Variants in HTRA3 observed in about 807,000 individuals in gnomAD.
HTRA3 encodes the protein HtrA serine peptidase 3.
In HTRA3, 41 loss-of-function variants were observed where a neutral mutation model predicts 43.2. The observed-to-expected ratio is 0.95, with a 90% CI of 0.74 to 1.23. The LOEUF is 1.23. Ranked by LOEUF, HTRA3 falls within the 50% of genes most tolerant of loss-of-function variation. The pLI, the probability that HTRA3 is intolerant of heterozygous loss-of-function variation, is 0.00. For synonymous variants in HTRA3, 295 were observed against 287.9 expected (o/e 1.02, Z -0.25); for missense variants, 628 against 647.1 (o/e 0.97, Z 0.32).
intron 7 of HTRA3, 38 bp downstream of exon 7, chr4:8,302,549 C>T: frequency 6.3e-7 from 1 of 1,596,936 alleles, no homozygotes; most frequent in Non-Finnish European, 8.6e-7. Context: ...GCTACCCCTT[C>T]CTCTCATCCC....
chr4:8,302,445 G>T lies in HTRA3; in HGVS notation c.1052-18G>T, dbSNP rs200001924. ...TTCACAGCAGCCCTAACGGAGTCTCGCCGTGTTTCATTTCCAGACTGGAAG... is the reference window on the plus strand; with the variant it reads ...TTCACAGCAGCCCTAACGGAGTCTCTCCGTGTTTCATTTCCAGACTGGAAG... On this transcript the variant is annotated intron_variant, in intron 6 of 8. Coordinates refer to ENST00000307358, the MANE Select transcript of HTRA3 (RefSeq NM_053044.5). 6.2e-7 allele frequency: 1 copy of T among 1,613,632 alleles called. No individual in the cohort carries two copies. The highest frequency in any genetic ancestry group is 1.7e-5 in the Admixed American group (1 of 60,022).
At position 8,291,477 on chromosome 4, in the gene HTRA3, C is replaced by T. The variant is rs1246100199; in HGVS notation, c.816C>T (p.Gly272=). ...PFALQNTVTT[G]IVSTAQREGR... is the part of the protein sequence containing the mutation. Reference sequence around the variant, plus strand: ...CCCTACAGAACACAGTGACAACGGGCATCGTCAGCACTGCCCAGCGGGAGG... The same window carrying T: ...CCCTACAGAACACAGTGACAACGGGTATCGTCAGCACTGCCCAGCGGGAGG... Residue 272 remains glycine, a synonymous_variant, in exon 4 of 9, where the codon GGC becomes GGT. Coordinates refer to ENST00000307358, the MANE Select transcript of HTRA3 (RefSeq NM_053044.5). The T allele has an allele frequency of 1.9e-6, 3 of 1,613,060 alleles. No individual in the cohort carries two copies. Among genetic ancestry groups the T allele is most frequent in the African/African-American group, 1.3e-5 (1 of 75,066 alleles).
At chr4:8,287,374 G>T (rs1223759217) in intron 3 of HTRA3, among the ~76,000 whole-genome samples, 1 of 152,194 alleles carries the variant, frequency 6.6e-6, no homozygotes, top group East Asian at 1.9e-4. Context: ...GTATGAGTCT[G>T]TTTTCACACT....
At position 8,293,844 on chromosome 4, in the gene HTRA3, G is replaced by A. The variant is rs575632805; in HGVS notation, c.937-243G>A. 3.6e-3 allele frequency among the ~76,000 whole-genome samples: 541 copies of A among 152,230 alleles called. 3 individuals are homozygous for A. Among genetic ancestry groups the A allele is most frequent in the Non-Finnish European group, 5.8e-3 (396 of 67,998 alleles). On this transcript the variant is annotated intron_variant, in intron 5 of 8. Coordinates refer to ENST00000307358, the MANE Select transcript of HTRA3 (RefSeq NM_053044.5). Reference sequence around the variant, plus strand: ...GTGGCCAGAGCCTGGGGGCAGGCCCGAGCTGCAAGCTTCCCTGGAAATACT... The same window carrying A: ...GTGGCCAGAGCCTGGGGGCAGGCCCAAGCTGCAAGCTTCCCTGGAAATACT...
intron 8 of HTRA3, among the ~76,000 whole-genome samples, chr4:8,304,601 A>C: frequency 7.0e-6 from 1 of 143,366 alleles, no homozygotes; most frequent in Non-Finnish European, 1.5e-5. Flanking sequence ...TCTTTCTGGG[A>C]CTCAGCTTCC....
intron 3 of HTRA3, among the ~76,000 whole-genome samples, chr4:8,288,959 T>C (rs867568810): frequency 1.5e-5 from 2 of 134,222 alleles, no homozygotes; most frequent in Admixed American, 7.4e-5. Flanking sequence ...TCTCTCTCTC[T>C]TTTTTTTTTT....
In HTRA3 at chr4:8,286,531, A is replaced by C; in HGVS notation, c.486-30A>C. On this transcript the variant is annotated intron_variant, in intron 2 of 8. Transcript: ENST00000307358. This position sits in a 1 kb window ranked among gnomAD's most constrained non-coding sequence, Gnocchi z 4.9. ...CTCCCCCGCGTCCTAGCCCCACCCT[A>C]AATGCCCGCCTGTGTCTCCCTGGCT... 1 of 1,602,372 alleles carries C rather than the reference A, an allele frequency of 6.2e-7. No individual in the cohort carries two copies. Among genetic ancestry groups the C allele is most frequent in the Non-Finnish European group, 8.5e-7 (1 of 1,171,784 alleles).
chr4:8,286,575 G>A lies in HTRA3; in HGVS notation c.500G>A (p.Gly167Asp), dbSNP rs748586450. 1 of 1,613,746 alleles carries A rather than the reference G, an allele frequency of 6.2e-7. No individual in the cohort carries two copies. The highest frequency in any genetic ancestry group is 1.7e-5 in the Admixed American group (1 of 60,008). The change falls in exon 3 of 9, where the codon GGC becomes GAC. Residue 167 changes from glycine (G) to aspartate (D), a missense_variant. Physicochemically the swap from Gly to Asp is moderately conservative, Grantham distance 94. Transcript: ENST00000307358. The surrounding 1 kb of genome is among the most constrained non-coding windows in gnomAD (Gnocchi z 4.9). ...IELFLRHPLF[G>D]RNVPLSSGSG... ...CCTGGCTGCAGACACCCGCTGTTTG[G>A]CCGCAACGTGCCCCTGTCCAGCGGT...
At chr4:8,276,694 G>A (rs1214358734) in intron 1 of HTRA3, among the ~76,000 whole-genome samples, 1 of 152,228 alleles carries the variant, frequency 6.6e-6, no homozygotes, top group Non-Finnish European at 1.5e-5. Context: ...GCTGGCTGTG[G>A]CCCAGCTGGG....
intron 8 of HTRA3, among the ~76,000 whole-genome samples, 189 bp downstream of exon 8, chr4:8,304,468 G>T (rs1049565651): frequency 5.3e-5 from 8 of 152,098 alleles, no homozygotes; most frequent in Admixed American, 5.2e-4. Flanking sequence ...CCCTGACTGT[G>T]TACGTCCTAA....
chr4:8,286,624 C>T lies in HTRA3; in HGVS notation c.549C>T (p.Ala183=), dbSNP rs373022386. 70 of 1,614,194 alleles carry T rather than the reference C, an allele frequency of 4.3e-5. No homozygotes were observed. The highest frequency in any genetic ancestry group is 2.0e-4 in the African/African-American group (15 of 75,044). ...GTTCTGGCTTCATCATGTCAGAGGC[C>T]GGCCTGATCATCACCAATGCCCACG... ...SSGSGFIMSE[A]GLIITNAHVV... The change falls in exon 3 of 9, where the codon GCC becomes GCT. Residue 183 remains alanine, a synonymous_variant. Transcript: ENST00000307358. This position sits in a 1 kb window ranked among gnomAD's most constrained non-coding sequence, Gnocchi z 4.9.
rs1409008036 is a variant in HTRA3, at chr4:8,270,382, G to A, written c.385+29G>A. On this transcript the variant is annotated intron_variant, in intron 1 of 8. Coordinates refer to ENST00000307358, the MANE Select transcript of HTRA3 (RefSeq NM_053044.5). The stretch of plus-strand genomic sequence containing the variant: ...AGCGCTCGGGGGCCAGGGAGGAAGT[G>A]AAGCTTCTTTCTCTTGGGGAAACTA... 2.9e-6 allele frequency: 4 copies of A among 1,377,218 alleles called. No homozygotes were observed. In the African/African-American group the frequency reaches 6.1e-5, roughly 21 times the overall value. The allele number at this position is 1,377,218 out of a possible 1,614,324, so 85.3% of individuals were successfully genotyped here.
At position 8,269,906 on chromosome 4, in the gene HTRA3, T is replaced by C. The variant is rs1163859594; in HGVS notation, c.-63T>C. On this transcript the variant is annotated 5_prime_UTR_variant, in exon 1 of 9. Coordinates refer to ENST00000307358, the MANE Select transcript of HTRA3 (RefSeq NM_053044.5). Reference sequence around the variant, plus strand: ...CCCGGCGCCCGGCCCCGCAGCGGCCTCGTTGTCCCCGCCGGCCCCCGCCCG... The same window carrying C: ...CCCGGCGCCCGGCCCCGCAGCGGCCCCGTTGTCCCCGCCGGCCCCCGCCCG... 2.2e-5 allele frequency: 18 copies of C among 835,592 alleles called. No homozygotes were observed. Among genetic ancestry groups the C allele is most frequent in the Admixed American group, 6.0e-5 (1 of 16,690 alleles). The allele number at this position is 835,592 out of a possible 1,614,324, so 51.8% of individuals were successfully genotyped here.
At chr4:8,304,643 GTTTTTTTTTTTTT>G (rs140790982) in intron 8 of HTRA3, among the ~76,000 whole-genome samples, 958 of 62,724 alleles carry the variant, frequency 0.015, 19 homozygotes, top group African/African-American at 0.063. Flanking sequence ...TCAGCCTATT[GTTTTTTTTTTTTT>G]TTTTTTTTTT....
In HTRA3 at chr4:8,295,071, ATTTTTTCCTTTCT is replaced by A. The variant is rs1713408829; in HGVS notation, c.1051+881_1051+893del. ...CTGGCCACCATTTCTTCCTTCCTTT[ATTTTTTCCTTTCT>A]TTTTTTCCTTCTCTCCTTCCTTCCA... On this transcript the variant is annotated intron_variant, in intron 6 of 8. Transcript: ENST00000307358. This position sits in a 1 kb window ranked among gnomAD's most constrained non-coding sequence, Gnocchi z 6.9. Among the ~76,000 whole-genome samples the A allele has an allele frequency of 7.0e-6, 1 of 143,880 alleles. No individual in the cohort carries two copies. Among genetic ancestry groups the A allele is most frequent in the Non-Finnish European group, 1.5e-5 (1 of 65,800 alleles). The allele number at this position is 143,880 out of a possible 152,430, so 94.4% of individuals were successfully genotyped here.
Position 8,306,408 on chromosome 4 carries a change from A to T in HTRA3, c.*272A>T, listed in dbSNP as rs1318778664. The T allele has an allele frequency of 2.7e-6, 1 of 367,162 alleles. No individual in the cohort carries two copies. The highest frequency in any genetic ancestry group is 4.3e-5 in the Admixed American group (1 of 23,470). 22.7% of individuals were successfully genotyped at this position (367,162 alleles called of 1,614,324 possible). ...ACTTCCAAGTTCTCCGGATATTCAC[A>T]AAACTGCCTTCCATGGAGGTCCCCT... On this transcript the variant is annotated 3_prime_UTR_variant, in exon 9 of 9. Transcript: ENST00000307358. The surrounding 1 kb of genome is among the most constrained non-coding windows in gnomAD (Gnocchi z 8.9).
chr4:8,279,732 A>G lies in HTRA3; in HGVS notation c.386-2705A>G, dbSNP rs1436268767. Among the ~76,000 whole-genome samples the G allele has an allele frequency of 6.6e-6, 1 of 152,180 alleles. No homozygotes were observed. Among genetic ancestry groups the G allele is most frequent in the African/African-American group, 2.4e-5 (1 of 41,442 alleles). ...GTGTGCCGTGGCTGCCTGCACAGGC[A>G]ATGCGGGCTCAGCCTGTGGCTTTCC... On this transcript the variant is annotated intron_variant, in intron 1 of 8. Coordinates refer to ENST00000307358, the MANE Select transcript of HTRA3 (RefSeq NM_053044.5). The surrounding 1 kb of genome is among the most constrained non-coding windows in gnomAD (Gnocchi z 7.4).
chr4:8,305,548 CAG>C (rs994977087), intron 8 of HTRA3, among the ~76,000 whole-genome samples: 4 of 152,254 alleles, frequency 2.6e-5, no homozygotes, highest in Admixed American at 6.5e-5. Context: ...GAGCCTCATG[CAG>C]AGAGAAGGCT....
chr4:8,296,733 C>G lies in HTRA3; in HGVS notation c.1051+2532C>G, dbSNP rs1254922129. Reference sequence around the variant, plus strand: ...AGTGGGGCCGTTTGTGGGCATCTGCCCCTCTGTGGACTGTGGGGAACAGTG... The same window carrying G: ...AGTGGGGCCGTTTGTGGGCATCTGCGCCTCTGTGGACTGTGGGGAACAGTG... On this transcript the variant is annotated intron_variant, in intron 6 of 8. Transcript: ENST00000307358. The surrounding 1 kb of genome is among the most constrained non-coding windows in gnomAD (Gnocchi z 5.3). Among the ~76,000 whole-genome samples the G allele has an allele frequency of 6.6e-6, 1 of 152,138 alleles. No individual in the cohort carries two copies. Among genetic ancestry groups the G allele is most frequent in the African/African-American group, 2.4e-5 (1 of 41,432 alleles).
Sources: gnomAD v4.1 joint callset for allele counts (sites outside exome capture counted in the v4.1 genomes callset) on GRCh38, gnomAD v4.1.1 for gene constraint, Gnocchi (gnomAD v3.1) non-coding constraint, MANE v1.5 for transcripts, NCBI Gene and HGNC (gene_info 2026-07-23, HGNC 2026-07-21) for gene names.